The following THAP4 variants were observed in gnomAD, a reference collection of about 807,000 sequenced individuals.
THAP4 encodes THAP domain containing 4, also known as peroxynitrite isomerase THAP4.
THAP4 carries 18 observed loss-of-function variants against 48.1 expected under a neutral mutation model. The ratio of observed to expected loss-of-function variants is 0.37; its 90% CI spans 0.26 to 0.56. THAP4 has a LOEUF of 0.56. Among genes scored for constraint, THAP4 ranks in the 20% least tolerant of loss-of-function variants. THAP4 has a pLI of 0.78. For synonymous variants in THAP4, 345 were observed against 324.9 expected (o/e 1.06, Z -0.66); for missense variants, 656 against 774.9 (o/e 0.85, Z 1.82).
At chr2:241,603,163 T>C in intron 3 of THAP4, 84 bp from the exon 4 acceptor site, 1 of 1,135,072 alleles carries the variant, frequency 8.8e-7, no homozygotes. Context: ...CTGTCCAGGG[T>C]GCCCTCCAGG....
At chr2:241,606,713 G>A (rs576292526) in intron 2 of THAP4, among the ~76,000 whole-genome samples, 7 of 152,296 alleles carry the variant, frequency 4.6e-5, no homozygotes, top group Admixed American at 6.5e-5. Flanking sequence ...CAGGCAGGGC[G>A]CAAGCAAAGA....
At chr2:241,585,912 C>CAAAAAA (rs1175852721) in intron 5 of THAP4, among the ~76,000 whole-genome samples, 52 of 27,896 alleles carry the variant, frequency 1.9e-3, no homozygotes, top group Non-Finnish European at 2.2e-3. Flanking sequence ...GACTCCTTCT[C>CAAAAAA]AAAAAAAAAA....
intron 1 of THAP4, among the ~76,000 whole-genome samples, chr2:241,635,878 A>T (rs893635006): frequency 6.6e-6 from 1 of 152,208 alleles, no homozygotes; most frequent in East Asian, 1.9e-4. Flanking sequence ...GTGGACCAGG[A>T]CAAATCCTAA....
chr2:241,625,634 A>C (rs554132408), intron 2 of THAP4, among the ~76,000 whole-genome samples: 2 of 151,226 alleles, frequency 1.3e-5, no homozygotes, highest in African/African-American at 4.9e-5. Context: ...CGTCTCTACT[A>C]AAAAATACAA....
At chr2:241,637,363 G>A, upstream of THAP4, 1 of 1,361,242 alleles carries the variant, frequency 7.3e-7, no homozygotes, top group Non-Finnish European at 9.6e-7. Flanking sequence ...CGTCCGTACC[G>A]CAAGATGGCT....
At chr2:241,632,128 T>C (rs988115722) in intron 2 of THAP4, among the ~76,000 whole-genome samples, 2 of 151,900 alleles carry the variant, frequency 1.3e-5, no homozygotes, top group African/African-American at 4.8e-5. Flanking sequence ...AGTCTTATTC[T>C]GTCACCCAGG....
intron 2 of THAP4, among the ~76,000 whole-genome samples, chr2:241,617,720 A>G (rs755300474): frequency 1.3e-5 from 2 of 152,142 alleles, no homozygotes; most frequent in Non-Finnish European, 2.9e-5. Flanking sequence ...TTCTACCCTC[A>G]GCCTCCTCCA....
chr2:241,609,978 G>A (rs942527653), intron 2 of THAP4, among the ~76,000 whole-genome samples: 1 of 152,172 alleles, frequency 6.6e-6, no homozygotes, highest in Non-Finnish European at 1.5e-5. Flanking sequence ...GGGCGCTGGG[G>A]AGCAGCGATC....
intron 2 of THAP4, among the ~76,000 whole-genome samples, chr2:241,623,858 G>A (rs1349812093): frequency 5.9e-5 from 9 of 152,120 alleles, no homozygotes; most frequent in Admixed American, 1.3e-4. Context: ...TTCTCTATAC[G>A]CACACTCAGG....
rs1013790529 is a variant in THAP4, at chr2:241,632,941, T to C, written c.1216A>G (p.Ser406Gly). 35 of 1,607,018 alleles carry C rather than the reference T, an allele frequency of 2.2e-5. No homozygotes were observed. The highest frequency in any genetic ancestry group is 2.8e-5 in the Non-Finnish European group (33 of 1,176,442). Residue 406 changes from serine to glycine, a missense_variant, in exon 2 of 6, where the codon AGT becomes GGT. Physicochemically the swap from Ser to Gly is moderately conservative, Grantham distance 56. Around this residue, in one of 4 missense-constraint regions of THAP4, gnomAD observed 176 missense variants for 256.7 expected, o/e 0.69. Transcript: ENST00000407315. ...ELRRVSVPYP[S>G]SLLSPSREPP... is the part of the protein sequence containing the mutation. ...CCGCGGCTGGGCGACAGCAGGCTACTTGGATAGGGGACGCTCACTCTCCTC... is the reference window on the plus strand; with the variant it reads ...CCGCGGCTGGGCGACAGCAGGCTACCTGGATAGGGGACGCTCACTCTCCTC...
Position 241,629,317 on chromosome 2 carries a change from A to T in THAP4, c.1240+3600T>A, listed in dbSNP as rs553329316. Among the ~76,000 whole-genome samples, 4 of 152,036 alleles carry T rather than the reference A, an allele frequency of 2.6e-5. No homozygotes were observed. In the South Asian group the frequency reaches 8.3e-4, roughly 32 times the overall value. ...AGACCCTATTGCTACAAAAAATTTT[A>T]AAAATTAGCCGGATGTGGTGGTATG... On this transcript the variant is annotated intron_variant, in intron 2 of 5. Transcript: ENST00000407315.
intron 2 of THAP4, among the ~76,000 whole-genome samples, chr2:241,620,495 T>C (rs1224086018): frequency 6.4e-5 from 7 of 109,904 alleles, no homozygotes; most frequent in Non-Finnish European, 1.3e-4. Flanking sequence ...GAGGAGTGAG[T>C]GAGGGGTGAG....
chr2:241,617,915 G>A (rs563056430), intron 2 of THAP4, among the ~76,000 whole-genome samples: 9 of 152,304 alleles, frequency 5.9e-5, no homozygotes, highest in Admixed American at 5.9e-4. Context: ...CAAGCGGCCC[G>A]GGAACCCAGG....
At chr2:241,589,221 A>G (rs2066926945) in intron 5 of THAP4, among the ~76,000 whole-genome samples, 1 of 151,558 alleles carries the variant, frequency 6.6e-6, no homozygotes, top group Non-Finnish European at 1.5e-5. Flanking sequence ...TCAAAAAAAA[A>G]AAAGAAAAAG....
At chr2:241,618,668 G>A (rs372174067) in intron 2 of THAP4, among the ~76,000 whole-genome samples, 2 of 152,196 alleles carry the variant, frequency 1.3e-5, no homozygotes, top group Non-Finnish European at 1.5e-5. Flanking sequence ...CTCACGTGGA[G>A]CAGAATCTAC....
intron 1 of THAP4, among the ~76,000 whole-genome samples, chr2:241,635,161 T>C (rs963337159): frequency 7.2e-5 from 11 of 152,242 alleles, no homozygotes; most frequent in African/African-American, 2.7e-4. Context: ...GGCTCATGCC[T>C]GTGATCCCAG....
chr2:241,636,796 T>G, intron 1 of THAP4, 145 bp downstream of exon 1: 1 of 304,206 alleles, frequency 3.3e-6, no homozygotes, highest in Non-Finnish European at 4.8e-6. Context: ...CGGGCCAAGG[T>G]CACACAGCGC....
chr2:241,602,221 T>C, intron 4 of THAP4: 2 of 571,902 alleles, frequency 3.5e-6, no homozygotes, highest in Admixed American at 6.0e-5. Flanking sequence ...GGCCACCCTC[T>C]CCAGACTGGG....
chr2:241,634,105 T>C (rs771058015), intron 1 of THAP4, 26 bp from the exon 2 acceptor site: 2 of 1,471,672 alleles, frequency 1.4e-6, no homozygotes, highest in Non-Finnish European at 1.8e-6. Context: ...CAAAAAGTAA[T>C]TAGAAATAAT....
Sources: allele counts gnomAD v4.1 joint callset (sites outside exome capture counted in the v4.1 genomes callset), GRCh38; gene constraint gnomAD v4.1.1; regional missense constraint gnomAD v4.1.1; transcripts MANE v1.5; gene names NCBI Gene and HGNC (gene_info 2026-07-23, HGNC 2026-07-21).